Variants in FAT3 observed in about 807,000 individuals in gnomAD.
FAT3 encodes the protein protocadherin Fat 3.
FAT3 carries 95 observed loss-of-function variants against 310.2 expected under a neutral mutation model. The ratio of observed to expected loss-of-function variants is 0.31; its 90% confidence interval spans 0.26 to 0.36. The LOEUF (loss-of-function observed/expected upper bound fraction) is 0.36, where lower values mean the gene tolerates loss of function less well. FAT3 is among the 10% of genes least tolerant of loss of function. The pLI, the probability that FAT3 is intolerant of heterozygous loss-of-function variation, is 1.00. For synonymous variants in FAT3, 2,314 were observed against 2,192.9 expected (o/e 1.06, Z -1.54); for missense variants, 5,408 against 5,715.6 (o/e 0.95, Z 1.74).
chr11:92,591,295 G>T (rs1232729804), intron 3 of FAT3, among the ~76,000 whole-genome samples: 1 of 152,120 alleles, frequency 6.6e-6, no homozygotes, highest in Non-Finnish European at 1.5e-5. Context: ...ATAGCTGATG[G>T]TTCTTAATGG....
At chr11:92,446,434 TC>T (rs761529379) in intron 2 of FAT3, among the ~76,000 whole-genome samples, 24 of 152,250 alleles carry the variant, frequency 1.6e-4, no homozygotes, top group Non-Finnish European at 3.1e-4. Flanking sequence ...CTATGGCATA[TC>T]CACCAACTCC....
intron 2 of FAT3, among the ~76,000 whole-genome samples, chr11:92,367,573 G>A (rs1036715070): frequency 2.0e-5 from 3 of 152,322 alleles, no homozygotes; most frequent in Admixed American, 6.5e-5. Flanking sequence ...TGAGGCAGCA[G>A]TGAGCTATGA....
intron 14 of FAT3, among the ~76,000 whole-genome samples, chr11:92,833,118 A>G (rs989531667): frequency 4.6e-5 from 7 of 152,230 alleles, no homozygotes; most frequent in Non-Finnish European, 8.8e-5. Flanking sequence ...TAATTCTAGA[A>G]AACAAGCTTG....
intron 3 of FAT3, among the ~76,000 whole-genome samples, chr11:92,530,075 A>G (rs1954016026): frequency 6.6e-6 from 1 of 152,186 alleles, no homozygotes; most frequent in African/African-American, 2.4e-5. Flanking sequence ...ATTGGAGGAG[A>G]TAGCTTATTA....
At chr11:92,310,683 G>A (rs1242765274) in intron 1 of FAT3, among the ~76,000 whole-genome samples, 3 of 151,918 alleles carry the variant, frequency 2.0e-5, no homozygotes, top group Non-Finnish European at 4.4e-5. Flanking sequence ...GTTTGTATAT[G>A]TATATACATG....
chr11:92,841,727 C>T (rs889224025), intron 18 of FAT3, among the ~76,000 whole-genome samples: 7 of 152,210 alleles, frequency 4.6e-5, no homozygotes, highest in South Asian at 4.1e-4. Flanking sequence ...GTTTTAGAAT[C>T]TTTGTAAAAG....
chr11:92,798,138 G>T lies in FAT3; in HGVS notation c.5125G>T (p.Asp1709Tyr). ...CCTCATTTATGAAGTCAAAGATGGA[G>T]ACATTAATGGGATCTTTACCATAAA... ...STLIYEVKDG[D>Y]INGIFTINPY... The change falls in exon 10 of 28, where the codon GAC becomes TAC. Residue 1709 changes from aspartate (D) to tyrosine (Y), a missense_variant. This residue lies in a region of FAT3 where 4,588 missense variants were observed against 4,809.8 expected (regional missense o/e 0.95). Coordinates refer to ENST00000525166, the MANE Select transcript of FAT3 (RefSeq NM_001367949.2). 4 of 1,613,920 alleles carry T rather than the reference G, an allele frequency of 2.5e-6. No homozygotes were observed. The highest frequency in any genetic ancestry group is 3.4e-6 in the Non-Finnish European group (4 of 1,179,860).
intron 1 of FAT3, among the ~76,000 whole-genome samples, chr11:92,350,746 C>A (rs199589138): frequency 1.5e-5 from 2 of 130,676 alleles, no homozygotes; most frequent in South Asian, 2.1e-4. Flanking sequence ...TTAGGATTAT[C>A]ATGAAGATTA....
chr11:92,319,645 A>G (rs1004190968), intron 1 of FAT3, among the ~76,000 whole-genome samples: 3 of 152,214 alleles, frequency 2.0e-5, no homozygotes, highest in African/African-American at 7.2e-5. Flanking sequence ...GGAGAATATA[A>G]TATTGAGGAT....
Position 92,441,775 on chromosome 11 carries a change from G to A in FAT3, c.3293-82859G>A, listed in dbSNP as rs372853326. ...GTGGACCTAGGTAAGAATTTCAAAC[G>A]TAAATAGTAACAACCTGAATTAATT... On this transcript the variant is annotated intron_variant, in intron 2 of 27. Coordinates refer to ENST00000525166, the MANE Select transcript of FAT3 (RefSeq NM_001367949.2). Among the ~76,000 whole-genome samples the A allele has an allele frequency of 6.6e-5, 10 of 152,178 alleles. No individual in the cohort carries two copies. In the East Asian group the frequency reaches 1.3e-3, roughly 21 times the overall value.
At chr11:92,556,760 A>G (rs766171218) in intron 3 of FAT3, among the ~76,000 whole-genome samples, 4 of 152,166 alleles carry the variant, frequency 2.6e-5, no homozygotes, top group Non-Finnish European at 4.4e-5. Context: ...CAAGCCCACC[A>G]CAGGAGAGAA....
At chr11:92,457,549 AT>A (rs1406927552) in intron 2 of FAT3, among the ~76,000 whole-genome samples, 1 of 152,216 alleles carries the variant, frequency 6.6e-6, no homozygotes, top group South Asian at 2.1e-4. Context: ...CTTAAAAAAA[AT>A]CTATTAAAAA....
Position 92,729,366 on chromosome 11 carries a change from T to C in FAT3, c.3669+31921T>C, listed in dbSNP as rs151022020. On this transcript the variant is annotated intron_variant, in intron 4 of 27. Transcript: ENST00000525166. Reference sequence around the variant, plus strand: ...TAATAAGATTTGAGGGAGACACATCTCTCACGTGTGGGAAAACCCAGTCAT... The same window carrying C: ...TAATAAGATTTGAGGGAGACACATCCCTCACGTGTGGGAAAACCCAGTCAT... Among the ~76,000 whole-genome samples the C allele has an allele frequency of 1.3e-3, 203 of 152,164 alleles. 1 individual carries two copies. The highest frequency in any genetic ancestry group is 4.7e-3 in the African/African-American group (197 of 41,494).
intron 4 of FAT3, among the ~76,000 whole-genome samples, chr11:92,737,298 G>C (rs1945380037): frequency 6.6e-6 from 1 of 152,112 alleles, no homozygotes; most frequent in Non-Finnish European, 1.5e-5. Flanking sequence ...CCATTCATCT[G>C]AGGTCCTTTC....
At position 92,733,287 on chromosome 11, in the gene FAT3, A is replaced by T. The variant is rs547508318; in HGVS notation, c.3670-28569A>T. On this transcript the variant is annotated intron_variant, in intron 4 of 27. Coordinates refer to ENST00000525166, the MANE Select transcript of FAT3 (RefSeq NM_001367949.2). ...AAGGTTTGGGGGAAGACTCAAGTGA[A>T]CTGGGCACATTCTGATGTTACTAGC... 6.6e-5 allele frequency among the ~76,000 whole-genome samples: 10 copies of T among 152,242 alleles called. No individual in the cohort carries two copies. In the East Asian group the frequency reaches 1.9e-3, roughly 30 times the overall value.
At position 92,762,061 on chromosome 11, in the gene FAT3, C is replaced by T. The variant is rs2136085461; in HGVS notation, c.3875C>T (p.Ser1292Phe). 6.2e-7 allele frequency: 1 copy of T among 1,613,954 alleles called. No homozygotes were observed. The highest frequency in any genetic ancestry group is 8.5e-7 in the Non-Finnish European group (1 of 1,179,874). The stretch of plus-strand genomic sequence containing the variant: ...GATGAGGGCCCCAACGCAGAAATCT[C>T]CTACAGTATTGTGGATGGGAATGAT... ...DRDEGPNAEI[S>F]YSIVDGNDDG... The change falls in exon 5 of 28, where the codon TCC becomes TTC. Residue 1292 changes from serine to phenylalanine, a missense_variant. Ser to Phe is a radical substitution (Grantham distance 155). Coordinates refer to ENST00000525166, the MANE Select transcript of FAT3 (RefSeq NM_001367949.2).
At chr11:92,580,680 A>G (rs540928) in intron 3 of FAT3, among the ~76,000 whole-genome samples, 129,634 of 152,074 alleles carry the variant, frequency 0.85, 55,419 homozygotes, top group Middle Eastern at 0.94. Context: ...TTAAGTTGGC[A>G]TCGCCTCCTG....
At chr11:92,804,271 A>T (rs1440287149) in intron 10 of FAT3, among the ~76,000 whole-genome samples, 1 of 151,762 alleles carries the variant, frequency 6.6e-6, no homozygotes, top group Admixed American at 6.6e-5. Flanking sequence ...TGAAATAGTG[A>T]TCATCAAACC....
intron 3 of FAT3, among the ~76,000 whole-genome samples, chr11:92,636,781 T>C (rs183282718): frequency 6.6e-6 from 1 of 152,362 alleles, no homozygotes; most frequent in East Asian, 1.9e-4. Context: ...AGCCTGTTTC[T>C]GTCAAAGGAA....
Sources: gnomAD v4.1 joint callset for allele counts (sites outside exome capture counted in the v4.1 genomes callset) on GRCh38, gnomAD v4.1.1 for gene constraint, gnomAD v4.1.1 regional missense constraint, MANE v1.5 for transcripts, NCBI Gene and HGNC (gene_info 2026-07-23, HGNC 2026-07-21) for gene names.